Variants in CSPP1 observed in about 807,000 individuals in gnomAD.
CSPP1 encodes centrosome and spindle pole associated protein 1.
In CSPP1, 126 loss-of-function variants were observed where a neutral mutation model predicts 164.4. The ratio of observed to expected loss-of-function variants is 0.77; its 90% CI spans 0.66 to 0.89. CSPP1 has a LOEUF of 0.89. CSPP1 is among the 40% of genes least tolerant of loss of function. CSPP1 has a pLI of 0.00. For synonymous variants in CSPP1, 472 were observed against 476.7 expected (o/e 0.99, Z 0.13); for missense variants, 1,395 against 1,449.8 (o/e 0.96, Z 0.61).
At chr8:67,137,798 A>G (rs1253223900) in intron 17 of CSPP1, among the ~76,000 whole-genome samples, 195 bp downstream of exon 17, 1 of 152,180 alleles carries the variant, frequency 6.6e-6, no homozygotes, top group Non-Finnish European at 1.5e-5. Flanking sequence ...AATACTATCC[A>G]TTTGTTTTTA....
intron 15 of CSPP1, among the ~76,000 whole-genome samples, chr8:67,131,311 C>T (rs1167761128): frequency 6.6e-6 from 1 of 152,036 alleles, no homozygotes; most frequent in Non-Finnish European, 1.5e-5. Context: ...CGCTTGATTC[C>T]AGGAGATCAA....
chr8:67,157,280 T>C (rs1348114653), intron 19 of CSPP1, among the ~76,000 whole-genome samples: 5 of 151,982 alleles, frequency 3.3e-5, no homozygotes, highest in Non-Finnish European at 5.9e-5. Context: ...AATCATAGGA[T>C]GTGTTAGAAG....
intron 17 of CSPP1, among the ~76,000 whole-genome samples, chr8:67,140,404 CT>C (rs11292251): frequency 0.024 from 3,676 of 152,168 alleles, 133 homozygotes; most frequent in African/African-American, 0.082. Flanking sequence ...TTTAATAGCT[CT>C]TTTTTTCTTC....
chr8:67,195,445 A>C lies in CSPP1; in HGVS notation c.3533A>C (p.Asn1178Thr), dbSNP rs1488983174. The C allele has an allele frequency of 1.9e-6, 3 of 1,614,174 alleles. No individual in the cohort carries two copies. Among genetic ancestry groups the C allele is most frequent in the Non-Finnish European group, 2.5e-6 (3 of 1,180,022 alleles). ...AAACACATAGGGGATGACGGATCAA[A>C]CTCTGTAGCAACTGAGCCCTGGCTC... ...IMKHIGDDGS[N>T]SVATEPWLRP... The change falls in exon 31 of 31, where the codon AAC becomes ACC. Residue 1178 changes from asparagine (N) to threonine (T), a missense_variant. By Grantham distance (65) the Asn-to-Thr change is moderately conservative (BLOSUM62 0). Coordinates refer to ENST00000678616, the MANE Select transcript of CSPP1 (RefSeq NM_001382391.1).
chr8:67,139,982 TTAAAG>T (rs1307407034), intron 17 of CSPP1, among the ~76,000 whole-genome samples: 1 of 152,208 alleles, frequency 6.6e-6, no homozygotes, highest in Non-Finnish European at 1.5e-5. Flanking sequence ...ACCCTAAAAT[TTAAAG>T]TATAGTAATA....
At position 67,145,162 on chromosome 8, in the gene CSPP1, C is replaced by T. The variant is rs542734616; in HGVS notation, c.1976-4621C>T. Among the ~76,000 whole-genome samples the T allele has an allele frequency of 2.0e-5, 3 of 151,790 alleles. No homozygotes were observed. In the East Asian group the frequency reaches 5.8e-4, roughly 29 times the overall value. On this transcript the variant is annotated intron_variant, in intron 17 of 30. Transcript: ENST00000678616. ...TCACTTTATTTAATAGATAAAGAGA[C>T]ATTCAGTTTATTTCTTATGTGAGCT...
At chr8:67,090,654 C>T (rs527552617) in intron 4 of CSPP1, among the ~76,000 whole-genome samples, 5 of 152,280 alleles carry the variant, frequency 3.3e-5, no homozygotes, top group African/African-American at 4.8e-5. Flanking sequence ...TTGAATACAA[C>T]GCTATTGTAG....
intron 26 of CSPP1, 67 bp from the exon 27 acceptor site, chr8:67,177,612 TA>T: frequency 9.9e-7 from 1 of 1,011,826 alleles, no homozygotes; most frequent in Non-Finnish European, 1.5e-6. Flanking sequence ...AAAGATATTC[TA>T]AAATTTAATT....
In CSPP1 at chr8:67,086,217, T is replaced by TACC. The variant is rs199915001; in HGVS notation, c.303+109_303+110insCAC. 389 of 764,098 alleles carry TACC rather than the reference T, an allele frequency of 5.1e-4. 1 individual carries two copies. In the East Asian group the frequency reaches 8.7e-3, roughly 17 times the overall value. 47.3% of individuals were successfully genotyped at this position (764,098 alleles called of 1,614,324 possible). On this transcript the variant is annotated intron_variant, in intron 4 of 30. Transcript: ENST00000678616. ...GTGTTAATTTTTAGGTTTTCAGTGG[T>TACC]ACTAGCAAAGTAGTAGTATAGTCAA...
At chr8:67,161,201 T>C (rs1260068571) in intron 21 of CSPP1, among the ~76,000 whole-genome samples, 1 of 152,266 alleles carries the variant, frequency 6.6e-6, no homozygotes, top group Non-Finnish European at 1.5e-5. Context: ...CTGACTTTTT[T>C]GTGTTTTTCT....
chr8:67,178,413 C>T (rs904889777), intron 27 of CSPP1, among the ~76,000 whole-genome samples: 2 of 152,170 alleles, frequency 1.3e-5, no homozygotes, highest in African/African-American at 4.8e-5. Context: ...GGACAAGAAA[C>T]TGTTCTAGGT....
At chr8:67,194,115 T>C (rs771092690) in intron 30 of CSPP1, among the ~76,000 whole-genome samples, 2 of 152,164 alleles carry the variant, frequency 1.3e-5, no homozygotes, top group African/African-American at 4.8e-5. Context: ...AAGCTAGTCA[T>C]AGAGCACAAG....
At position 67,159,834 on chromosome 8, in the gene CSPP1, CTTTCTTTCTTTCTTTCT is replaced by C. The variant is rs1563710071; in HGVS notation, c.2538+701_2538+717del. 5.4e-4 allele frequency among the ~76,000 whole-genome samples: 69 copies of C among 127,334 alleles called. 6 individuals are homozygous for C. Among genetic ancestry groups the C allele is most frequent in the African/African-American group, 2.5e-3 (67 of 26,630 alleles). The allele number at this position is 127,334 out of a possible 152,430, so 83.5% of individuals were successfully genotyped here. The stretch of plus-strand genomic sequence containing the variant: ...ACCACGCCCGGCCTTCTCTCTCTTT[CTTTCTTTCTTTCTTTCT>C]TTTTCTTTCTTTCTTTCTTTCTTTC... On this transcript the variant is annotated intron_variant, in intron 21 of 30. Coordinates refer to ENST00000678616, the MANE Select transcript of CSPP1 (RefSeq NM_001382391.1).
chr8:67,184,061 C>G (rs1299788673), intron 28 of CSPP1, among the ~76,000 whole-genome samples: 1 of 152,010 alleles, frequency 6.6e-6, no homozygotes, highest in Non-Finnish European at 1.5e-5. Context: ...CCGTGTTGGC[C>G]AGGCTGGTCT....
rs1827210544 is a variant in CSPP1 at position 67,159,062 on chromosome 8, A to C, written c.2463A>C (p.Lys821Asn). ...ERQKEAERKK[K>N]EEEEKYNLQL... ...AAAAAGAAGCAGAAAGAAAGAAGAA[A>C]GAAGAAGAAGAAAAATATAACCTGC... is the stretch of plus-strand genomic sequence containing the variant. Residue 821 changes from lysine to asparagine, a missense_variant, in exon 21 of 31, where the codon AAA (lysine) becomes AAC (asparagine). Transcript: ENST00000678616. 1 of 1,610,410 alleles carries C rather than the reference A, an allele frequency of 6.2e-7. No homozygotes were observed. Among genetic ancestry groups the C allele is most frequent in the Non-Finnish European group, 8.5e-7 (1 of 1,177,298 alleles).
At chr8:67,070,810 T>A (rs1262343889) in intron 1 of CSPP1, among the ~76,000 whole-genome samples, 6 of 151,542 alleles carry the variant, frequency 4.0e-5, no homozygotes, top group Admixed American at 3.9e-4. Context: ...TACAGTGGCA[T>A]GCTCATAAGC....
chr8:67,159,509 CTTTTT>C (rs1172369424), intron 21 of CSPP1, among the ~76,000 whole-genome samples: 9 of 48,914 alleles, frequency 1.8e-4, no homozygotes, highest in African/African-American at 6.6e-4. Context: ...TATATGTATT[CTTTTT>C]TTTTTTTTTT....
At chr8:67,096,934 T>TA (rs1413660061) in intron 7 of CSPP1, among the ~76,000 whole-genome samples, 2 of 152,114 alleles carry the variant, frequency 1.3e-5, no homozygotes, top group African/African-American at 2.4e-5. Flanking sequence ...ATAGATGAAA[T>TA]ACAATTTATT....
At chr8:67,103,708 G>GT (rs1184045101) in intron 8 of CSPP1, among the ~76,000 whole-genome samples, 1 of 151,288 alleles carries the variant, frequency 6.6e-6, no homozygotes. Context: ...GTAATCCCTG[G>GT]TAATCCCTGT....
Sources: allele counts gnomAD v4.1 joint callset (sites outside exome capture counted in the v4.1 genomes callset), GRCh38; gene constraint gnomAD v4.1.1; transcripts MANE v1.5; gene names NCBI Gene and HGNC (gene_info 2026-07-23, HGNC 2026-07-21).